ZBTB26: variants seen among roughly 807,000 people sequenced by gnomAD.
ZBTB26 encodes the protein zinc finger and BTB domain containing 26.
ZBTB26 carries 12 observed loss-of-function variants against 31.6 expected under a neutral mutation model. The observed-to-expected ratio is 0.38, with a 90% CI of 0.24 to 0.61. ZBTB26 has a LOEUF of 0.61. ZBTB26 is among the 20% of genes least tolerant of loss of function. The probability of loss-of-function intolerance (pLI) is 0.60; values close to 1 mark genes in which losing one functional copy is unlikely to be tolerated. For missense variants in ZBTB26, 311 were observed against 521.9 expected, an observed-to-expected ratio of 0.60 and a Z score of 3.94; for synonymous variants, 155 against 182.9, an observed-to-expected ratio of 0.85 and a Z score of 1.23.
intron 1 of ZBTB26, among the ~76,000 whole-genome samples, chr9:122,929,294 T>G (rs1340226365): frequency 6.6e-6 from 1 of 152,080 alleles, no homozygotes; most frequent in African/African-American, 2.4e-5. Flanking sequence ...AAGAAAGAAA[T>G]AAAAAACATA....
intron 1 of ZBTB26, among the ~76,000 whole-genome samples, chr9:122,928,808 G>T (rs942216939): frequency 1.3e-5 from 2 of 152,200 alleles, no homozygotes; most frequent in Admixed American, 1.3e-4. Flanking sequence ...CTGCACTCAT[G>T]CACTGTCTAA....
intron 1 of ZBTB26, among the ~76,000 whole-genome samples, chr9:122,924,731 T>C (rs1259785234): frequency 2.0e-5 from 3 of 151,284 alleles, no homozygotes; most frequent in Non-Finnish European, 4.4e-5. Context: ...GCTCAAACAA[T>C]CGTCCTGCCT....
At position 122,919,742 on chromosome 9, in the gene ZBTB26, T is replaced by G; in HGVS notation, c.193A>C (p.Asn65His). 6.2e-7 allele frequency: 1 copy of G among 1,614,174 alleles called. No homozygotes were observed. The highest frequency in any genetic ancestry group is 8.5e-7 in the Non-Finnish European group (1 of 1,180,028). Residue 65 changes from asparagine to histidine, a missense_variant, in exon 2 of 2, where the codon AAT becomes CAT. Asn to His is a moderately conservative substitution (Grantham distance 68, BLOSUM62 1). Around this residue, in one of 5 missense-constraint regions of ZBTB26, gnomAD observed 207 missense variants for 298.6 expected, o/e 0.69. Transcript: ENST00000373656. This position sits in a 1 kb window ranked among gnomAD's most constrained non-coding sequence, Gnocchi z 6.1. Reference sequence around the variant, plus strand: ...GAGATTTTCACCTCTCTGGAATCATTCAGTAAAAATTGGTCTCTTAAGAAG... The same window carrying G: ...GAGATTTTCACCTCTCTGGAATCATGCAGTAAAAATTGGTCTCTTAAGAAG... ...SPFLRDQFLLNDSREVKISIL... is the reference protein window; with the variant it reads ...SPFLRDQFLLHDSREVKISIL...
At chr9:122,930,273 C>T (rs1464406208) in intron 1 of ZBTB26, among the ~76,000 whole-genome samples, 1 of 152,194 alleles carries the variant, frequency 6.6e-6, no homozygotes, top group East Asian at 1.9e-4. Flanking sequence ...CATTACCATC[C>T]TTCAGCTCAG....
intron 1 of ZBTB26, among the ~76,000 whole-genome samples, chr9:122,925,201 C>A (rs141179857): frequency 6.6e-6 from 1 of 151,876 alleles, no homozygotes; most frequent in Non-Finnish European, 1.5e-5. Flanking sequence ...GGTGAAACCC[C>A]GTCTCTACAA....
At position 122,916,018 on chromosome 9, in the gene ZBTB26, A is replaced by C. The variant is rs1271456885; in HGVS notation, c.*2591T>G. On this transcript the variant is annotated 3_prime_UTR_variant, in exon 2 of 2. Coordinates refer to ENST00000373656, the MANE Select transcript of ZBTB26 (RefSeq NM_020924.4). ...TAAAATACTGGATATCAGTAACTTG[A>C]CTTCTTTGCAATATAATCTAACAAA... 6.6e-6 allele frequency: 1 copy of C among 152,220 alleles called. No individual in the cohort carries two copies. Among genetic ancestry groups the C allele is most frequent in the Non-Finnish European group, 1.5e-5 (1 of 68,034 alleles). 9.4% of individuals were successfully genotyped at this position (152,220 alleles called of 1,614,324 possible).
At chr9:122,920,878 T>C (rs1407337222) in intron 1 of ZBTB26, among the ~76,000 whole-genome samples, 1 of 152,226 alleles carries the variant, frequency 6.6e-6, no homozygotes, top group Non-Finnish European at 1.5e-5. Flanking sequence ...AACTGATTCA[T>C]AAATGTTGCC....
Position 122,919,121 on chromosome 9 carries a change from G to A in ZBTB26, c.814C>T (p.His272Tyr), listed in dbSNP as rs1461700057. ...IRGVDKGLQW[H>Y]HQCPKCTRVF... The stretch of plus-strand genomic sequence containing the variant: ...CTGGTACACTTTGGGCACTGGTGAT[G>A]CCACTGTAGGCCTTTGTCTACACCT... The change falls in exon 2 of 2, where the codon CAT becomes TAT. Residue 272 changes from histidine (H) to tyrosine (Y), a missense_variant. By Grantham distance (83) the His-to-Tyr change is moderately conservative. Around this residue, in one of 5 missense-constraint regions of ZBTB26, gnomAD observed 207 missense variants for 298.6 expected, o/e 0.69. Coordinates refer to ENST00000373656, the MANE Select transcript of ZBTB26 (RefSeq NM_020924.4). This position sits in a 1 kb window ranked among gnomAD's most constrained non-coding sequence, Gnocchi z 6.1. 15 of 1,614,092 alleles carry A rather than the reference G, an allele frequency of 9.3e-6. No individual in the cohort carries two copies. The highest frequency in any genetic ancestry group is 1.3e-5 in the Non-Finnish European group (15 of 1,180,040).
rs565410133 is a variant in ZBTB26 at position 122,917,720 on chromosome 9, A to T, written c.*889T>A. 1 of 152,368 alleles carries T rather than the reference A, an allele frequency of 6.6e-6. No individual in the cohort carries two copies. Among genetic ancestry groups the T allele is most frequent in the East Asian group, 1.9e-4 (1 of 5,192 alleles). 9.4% of individuals were successfully genotyped at this position (152,368 alleles called of 1,614,324 possible). ...ACCTTTCTGATGGCTAAACTCTGAA[A>T]CAAAATTCAGAGACTCCCAAATAGC... On this transcript the variant is annotated 3_prime_UTR_variant, in exon 2 of 2. Coordinates refer to ENST00000373656, the MANE Select transcript of ZBTB26 (RefSeq NM_020924.4).
At position 122,919,955 on chromosome 9, in the gene ZBTB26, G is replaced by A; in HGVS notation, c.-10-11C>T. ...GACATTTTGGCAGACCTAAAGAACA[G>A]AAATGTAAAAAGGTTGAATTTAAGG... On this transcript the variant is annotated splice_polypyrimidine_tract_variant and intron_variant, in intron 1 of 1. Coordinates refer to ENST00000373656, the MANE Select transcript of ZBTB26 (RefSeq NM_020924.4). This position sits in a 1 kb window ranked among gnomAD's most constrained non-coding sequence, Gnocchi z 6.1. 1 of 1,538,186 alleles carries A rather than the reference G, an allele frequency of 6.5e-7. No homozygotes were observed. The highest frequency in any genetic ancestry group is 2.2e-5 in the Admixed American group (1 of 45,916).
At chr9:122,926,916 T>G (rs1299780424) in intron 1 of ZBTB26, among the ~76,000 whole-genome samples, 1 of 152,218 alleles carries the variant, frequency 6.6e-6, no homozygotes, top group Non-Finnish European at 1.5e-5. Context: ...GTAGGTAACT[T>G]CTAAGTATAG....
intron 1 of ZBTB26, among the ~76,000 whole-genome samples, chr9:122,928,213 C>G (rs1159977517): frequency 1.3e-5 from 2 of 152,202 alleles, no homozygotes; most frequent in African/African-American, 2.4e-5. Context: ...TATACATAAA[C>G]TATACATATT....
intron 1 of ZBTB26, among the ~76,000 whole-genome samples, chr9:122,925,802 C>G (rs926871644): frequency 7.5e-6 from 1 of 133,630 alleles, no homozygotes; most frequent in Non-Finnish European, 1.5e-5. Flanking sequence ...CAGAGTTTCA[C>G]TCTTGTCACC....
chr9:122,918,971 C>T lies in ZBTB26; in HGVS notation c.964G>A (p.Gly322Arg). The T allele has an allele frequency of 2.5e-6, 4 of 1,614,146 alleles. No individual in the cohort carries two copies. The highest frequency in any genetic ancestry group is 3.4e-6 in the Non-Finnish European group (4 of 1,180,030). ...NLHRHMRVHA[G>R]IKPFQCKICG... Reference sequence around the variant, plus strand: ...ATTTTACACTGGAAAGGTTTAATTCCGGCATGCACACGCATGTGTCGATGA... The same window carrying T: ...ATTTTACACTGGAAAGGTTTAATTCTGGCATGCACACGCATGTGTCGATGA... Residue 322 changes from glycine to arginine, a missense_variant, in exon 2 of 2, where the codon GGA becomes AGA. Transcript: ENST00000373656.
At position 122,919,848 on chromosome 9, in the gene ZBTB26, C is replaced by G. The variant is rs1009265494; in HGVS notation, c.87G>C (p.Glu29Asp). 1 of 1,613,386 alleles carries G rather than the reference C, an allele frequency of 6.2e-7. No homozygotes were observed. The highest frequency in any genetic ancestry group is 1.3e-5 in the African/African-American group (1 of 74,888). ...GAACTGTAACATCACAAAATTTATT[C>G]TCTTCTCTTAATTTGTTCATTTTTT... is the stretch of plus-strand genomic sequence containing the variant. ...MLQKMNKLRE[E>D]NKFCDVTVLI... The change falls in exon 2 of 2, where the codon GAG becomes GAC. Residue 29 changes from glutamate to aspartate, a missense_variant. Coordinates refer to ENST00000373656, the MANE Select transcript of ZBTB26 (RefSeq NM_020924.4). This position sits in a 1 kb window ranked among gnomAD's most constrained non-coding sequence, Gnocchi z 6.1.
chr9:122,918,990 T>C lies in ZBTB26; in HGVS notation c.945A>G (p.Arg315=), dbSNP rs780959531. The C allele has an allele frequency of 6.2e-7, 1 of 1,614,090 alleles. No individual in the cohort carries two copies. Among genetic ancestry groups the C allele is most frequent in the African/African-American group, 1.3e-5 (1 of 74,944 alleles). Residue 315 remains arginine, a synonymous_variant, in exon 2 of 2, where the codon CGA becomes CGG. Coordinates refer to ENST00000373656, the MANE Select transcript of ZBTB26 (RefSeq NM_020924.4). ...KTFTQKGNLH[R]HMRVHAGIKP... ...TAATTCCGGCATGCACACGCATGTG[T>C]CGATGAAGGTTGCCTTTCTGAGTGA... is the stretch of plus-strand genomic sequence containing the variant.
At chr9:122,930,792 C>T (rs957623188) in intron 1 of ZBTB26, among the ~76,000 whole-genome samples, 6 of 152,220 alleles carry the variant, frequency 3.9e-5, no homozygotes, top group African/African-American at 1.4e-4. Flanking sequence ...ACTTTACTCT[C>T]TCCAAGTACA....
chr9:122,926,927 CA>C (rs1156680483), intron 1 of ZBTB26, among the ~76,000 whole-genome samples: 1 of 152,146 alleles, frequency 6.6e-6, no homozygotes, highest in Non-Finnish European at 1.5e-5. Context: ...CTAAGTATAG[CA>C]GTAATTACTC....
At chr9:122,928,231 A>G (rs1564337531) in intron 1 of ZBTB26, among the ~76,000 whole-genome samples, 1 of 152,230 alleles carries the variant, frequency 6.6e-6, no homozygotes, top group Non-Finnish European at 1.5e-5. Context: ...ATTGTTTTGC[A>G]ACTTACTTTT....
Sources: allele counts gnomAD v4.1 joint callset (sites outside exome capture counted in the v4.1 genomes callset), GRCh38; gene constraint gnomAD v4.1.1; regional missense constraint gnomAD v4.1.1; non-coding constraint Gnocchi (gnomAD v3.1); transcripts MANE v1.5; gene names NCBI Gene and HGNC (gene_info 2026-07-23, HGNC 2026-07-21).